SYTL5: variants seen among roughly 807,000 people sequenced by gnomAD.
SYTL5 encodes the protein synaptotagmin-like protein 5.
Under a neutral mutation model 55.9 loss-of-function variants are expected in SYTL5, and 34 were observed. That is an observed-to-expected ratio of 0.61 (90% CI 0.46 to 0.81). The LOEUF (loss-of-function observed/expected upper bound fraction) is 0.81. SYTL5 is among the 30% of genes least tolerant of loss of function. The probability of loss-of-function intolerance (pLI) is 0.00; values close to 1 mark genes in which losing one functional copy is unlikely to be tolerated. For missense variants in SYTL5, 637 were observed against 546.7 expected (o/e 1.17, Z -1.65); for synonymous variants, 221 against 188.7 (o/e 1.17, Z -1.40).
At chrX:37,913,273 G>C in the SYTL5 span, among the ~76,000 whole-genome samples, 1 of 112,420 alleles carries the variant, frequency 8.9e-6, no homozygotes, top group African/African-American at 3.2e-5. Flanking sequence ...TTGGCATTCT[G>C]TCAGCAGAGA....
chrX:38,068,962 A>G (rs1936180731), intron 3 of SYTL5, among the ~76,000 whole-genome samples: 1 of 111,647 alleles, frequency 9.0e-6, no homozygotes, highest in Non-Finnish European at 1.9e-5. Flanking sequence ...TAGACCCTGA[A>G]ATTTGAATTT....
intron 13 of SYTL5, among the ~76,000 whole-genome samples, chrX:38,119,014 G>C (rs1306731125): frequency 3.0e-5 from 3 of 100,792 alleles, no homozygotes; most frequent in African/African-American, 1.2e-4. Flanking sequence ...GGGTCTCACT[G>C]TGTTGCCCAG....
At chrX:37,964,912 T>G in the SYTL5 span, among the ~76,000 whole-genome samples, 1 of 111,419 alleles carries the variant, frequency 9.0e-6, no homozygotes, top group Non-Finnish European at 1.9e-5. Context: ...CTTCTGATTT[T>G]GTGGCAGGGG....
chrX:38,110,505 T>C (rs771757643), intron 13 of SYTL5, 23 bp downstream of exon 13: 3 of 1,147,999 alleles, frequency 2.6e-6, no homozygotes, highest in Non-Finnish European at 3.5e-6. Flanking sequence ...CTCAGATTAG[T>C]CAGTTATGCA....
At chrX:38,015,973 G>A (rs1295983332) in intron 1 of SYTL5, among the ~76,000 whole-genome samples, 1 of 111,317 alleles carries the variant, frequency 9.0e-6, no homozygotes, top group Non-Finnish European at 1.9e-5. Flanking sequence ...GAACTTTAAG[G>A]TACAAATCAC....
chrX:38,064,668 GT>G (rs1346281301), intron 3 of SYTL5, among the ~76,000 whole-genome samples: 6 of 111,083 alleles, frequency 5.4e-5, no homozygotes, highest in Non-Finnish European at 1.1e-4. Context: ...CTGCATACAT[GT>G]TTTTCCAACA....
chrX:37,947,527 C>T, the SYTL5 span, among the ~76,000 whole-genome samples: 6 of 111,775 alleles, frequency 5.4e-5, no homozygotes, highest in African/African-American at 1.6e-4. Flanking sequence ...CCCAGCCATG[C>T]GGAACTGTGA....
intron 6 of SYTL5, among the ~76,000 whole-genome samples, chrX:38,087,826 T>C (rs934281331): frequency 2.7e-5 from 3 of 111,178 alleles, no homozygotes; most frequent in African/African-American, 9.8e-5. Context: ...AGGCTTTGGG[T>C]AGACTGACAA....
intron 2 of SYTL5, among the ~76,000 whole-genome samples, chrX:38,043,195 C>G (rs1935335446): frequency 9.0e-6 from 1 of 110,864 alleles, no homozygotes; most frequent in Non-Finnish European, 1.9e-5. Context: ...TTTAAAATAC[C>G]ATAAACCTCA....
At chrX:37,908,876 A>ATGGGAAAGGATTTAG in the SYTL5 span, among the ~76,000 whole-genome samples, 1 of 111,358 alleles carries the variant, frequency 9.0e-6, no homozygotes, top group African/African-American at 3.3e-5. Context: ...TCACAGGGAC[A>ATGGGAAAGGATTTAG]TGGGAAAGGA....
intron 10 of SYTL5, among the ~76,000 whole-genome samples, chrX:38,103,473 T>C (rs1472242534): frequency 1.8e-5 from 2 of 110,298 alleles, no homozygotes; most frequent in African/African-American, 6.6e-5. Flanking sequence ...TTTCCTTCTA[T>C]CCGTAGGGGC....
chrX:38,082,823 T>G (rs1183385147), intron 6 of SYTL5, among the ~76,000 whole-genome samples: 1 of 111,747 alleles, frequency 8.9e-6, no homozygotes, highest in African/African-American at 3.3e-5. Context: ...AGACATAAAG[T>G]AGACTGTGTG....
At chrX:37,903,839 A>G in the SYTL5 span, among the ~76,000 whole-genome samples, 1 of 111,215 alleles carries the variant, frequency 9.0e-6, no homozygotes, top group African/African-American at 3.3e-5. Context: ...ATGTTTCCTG[A>G]CCACCTCCTG....
chrX:38,028,506 T>C (rs1934849865), intron 1 of SYTL5, among the ~76,000 whole-genome samples: 1 of 112,263 alleles, frequency 8.9e-6, no homozygotes, highest in Non-Finnish European at 1.9e-5. Flanking sequence ...AAGAGTACAC[T>C]TTACTCAACT....
the SYTL5 span, among the ~76,000 whole-genome samples, chrX:37,987,387 G>T: frequency 1.1e-3 from 122 of 112,018 alleles, no homozygotes; most frequent in Non-Finnish European, 2.1e-3. Context: ...TGTCAATAGT[G>T]CTAAAGTTTA....
At chrX:37,916,000 A>AAAT in the SYTL5 span, among the ~76,000 whole-genome samples, 22 of 111,054 alleles carry the variant, frequency 2.0e-4, no homozygotes, top group Non-Finnish European at 4.0e-4. Context: ...CTTTTTTTTT[A>AAAT]AATAATAATA....
At chrX:37,980,887 T>C in the SYTL5 span, among the ~76,000 whole-genome samples, 81 of 112,203 alleles carry the variant, frequency 7.2e-4, no homozygotes, top group South Asian at 0.014. Flanking sequence ...TTTGCATAGA[T>C]TCTAATCCAT....
chrX:38,068,382 A>G (rs1029020941), intron 3 of SYTL5, among the ~76,000 whole-genome samples: 14 of 112,485 alleles, frequency 1.2e-4, no homozygotes, highest in African/African-American at 4.2e-4. Flanking sequence ...TCAAAGAACT[A>G]AAAACAAAAC....
At position 38,120,397 on chromosome X, in the gene SYTL5, G is replaced by A. The variant is rs1026767581; in HGVS notation, c.1636G>A (p.Glu546Lys). Residue 546 changes from glutamate (E) to lysine (K), a missense_variant, in exon 14 of 17, where the codon GAG (glutamate) becomes AAG (lysine). Coordinates refer to ENST00000297875, the MANE Select transcript of SYTL5 (RefSeq NM_138780.3). Reference protein sequence around the residue: ...APDIGLQYKGELTVVLRYIPP... With the variant: ...APDIGLQYKGKLTVVLRYIPP... The stretch of plus-strand genomic sequence containing the variant: ...TGATATTGGCCTTCAATACAAAGGA[G>A]AGCTGACAGTTGTTTTACGTTACAT... The A allele has an allele frequency of 6.6e-6, 8 of 1,209,555 alleles. No individual in the cohort carries two copies. The highest frequency in any genetic ancestry group is 8.9e-6 in the Non-Finnish European group (8 of 894,930).
Sources: gnomAD v4.1 joint callset for allele counts (sites outside exome capture counted in the v4.1 genomes callset) on GRCh38, gnomAD v4.1.1 for gene constraint, MANE v1.5 for transcripts, NCBI Gene and HGNC (gene_info 2026-07-23, HGNC 2026-07-21) for gene names.